ZNF609: variants seen among roughly 807,000 people sequenced by gnomAD.
ZNF609 encodes the protein zinc finger protein 609.
Under a neutral mutation model 109.5 loss-of-function variants are expected in ZNF609, and 11 were observed. That is an observed-to-expected ratio of 0.10 (90% CI 0.06 to 0.17). ZNF609 has a LOEUF of 0.17. ZNF609 is among the 10% of genes least tolerant of loss of function. The probability of loss-of-function intolerance (pLI) is 1.00; values close to 1 mark genes in which losing one functional copy is unlikely to be tolerated. For missense variants in ZNF609, 1,559 were observed against 1,772.4 expected (o/e 0.88, Z 2.16); for synonymous variants, 646 against 662.0 (o/e 0.98, Z 0.37).
At chr15:64,590,328 T>C (rs1341734160) in intron 2 of ZNF609, among the ~76,000 whole-genome samples, 1 of 152,124 alleles carries the variant, frequency 6.6e-6, no homozygotes, top group Non-Finnish European at 1.5e-5. Context: ...TCTCTTTTGC[T>C]CTTTATTTTG....
intron 2 of ZNF609, among the ~76,000 whole-genome samples, chr15:64,524,457 G>C (rs1281280454): frequency 2.0e-5 from 3 of 152,048 alleles, no homozygotes; most frequent in Admixed American, 2.0e-4. Context: ...CCAGCTACTT[G>C]GGAGGCTGAG....
At chr15:64,472,225 T>C (rs147787952) in intron 1 of ZNF609, among the ~76,000 whole-genome samples, 113 of 152,330 alleles carry the variant, frequency 7.4e-4, no homozygotes, top group Middle Eastern at 3.4e-3. Flanking sequence ...TAAGTAGTTT[T>C]TATAGATGGT....
Position 64,607,887 on chromosome 15 carries a change from T to C in ZNF609, c.748-14940T>C, listed in dbSNP as rs11632790. On this transcript the variant is annotated intron_variant, in intron 2 of 9. Transcript: ENST00000326648. ...TCTTTCTTTCTTTCTTTCTTCTTTC[T>C]TTTCTTTCTTTTTTTTTTTTTTTTT... 3.6e-3 allele frequency among the ~76,000 whole-genome samples: 69 copies of C among 19,032 alleles called. 7 individuals carry two copies. The highest frequency in any genetic ancestry group is 0.01 in the Non-Finnish European group (51 of 5,074). The allele number at this position is 19,032 out of a possible 152,430, so 12.5% of individuals were successfully genotyped here.
At chr15:64,617,478 G>C (rs1181497824) in intron 2 of ZNF609, among the ~76,000 whole-genome samples, 1 of 151,662 alleles carries the variant, frequency 6.6e-6, no homozygotes, top group Non-Finnish European at 1.5e-5. Context: ...ACGACAGAGC[G>C]AGACCCTGTC....
intron 3 of ZNF609, among the ~76,000 whole-genome samples, chr15:64,636,308 G>A (rs1896174315): frequency 2.0e-5 from 3 of 151,946 alleles, no homozygotes; most frequent in African/African-American, 4.8e-5. Context: ...CTGCCTTCAC[G>A]GCCTTCTCCA....
intron 2 of ZNF609, among the ~76,000 whole-genome samples, chr15:64,522,361 A>T (rs559370624): frequency 6.6e-6 from 1 of 152,228 alleles, no homozygotes; most frequent in Non-Finnish European, 1.5e-5. Context: ...TTATTGGTTC[A>T]GGACTGGCTT....
In ZNF609 at chr15:64,650,893, G is replaced by C. The variant is rs555895112; in HGVS notation, c.974-19453G>C. Among the ~76,000 whole-genome samples, 24 of 145,726 alleles carry C rather than the reference G, an allele frequency of 1.6e-4. No individual in the cohort carries two copies. The South Asian group carries it at 4.4e-3, about 27-fold the overall frequency. On this transcript the variant is annotated intron_variant, in intron 3 of 9. Coordinates refer to ENST00000326648, the MANE Select transcript of ZNF609 (RefSeq NM_015042.2). ...TGTGTAAGATTTGTGTTGATGGGTGGGGGGGGGATCCTTTGTCATTTATTT... is the reference window on the plus strand; with the variant it reads ...TGTGTAAGATTTGTGTTGATGGGTGCGGGGGGGATCCTTTGTCATTTATTT...
At chr15:64,645,252 G>A (rs1896319308) in intron 3 of ZNF609, among the ~76,000 whole-genome samples, 2 of 151,574 alleles carry the variant, frequency 1.3e-5, no homozygotes, top group Admixed American at 1.3e-4. Context: ...CACCATGCTC[G>A]GCTAATTTTT....
intron 2 of ZNF609, among the ~76,000 whole-genome samples, chr15:64,525,314 G>T (rs1893954342): frequency 6.6e-6 from 1 of 152,104 alleles, no homozygotes; most frequent in African/African-American, 2.4e-5. Context: ...GGTTTTCCTA[G>T]CACCAATCGT....
intron 2 of ZNF609, among the ~76,000 whole-genome samples, chr15:64,556,626 C>T (rs1393742201): frequency 6.6e-6 from 1 of 152,152 alleles, no homozygotes; most frequent in African/African-American, 2.4e-5. Flanking sequence ...TCCCTCCTAG[C>T]CACTAAATAC....
chr15:64,470,631 C>G (rs1893079571), intron 1 of ZNF609: 2 of 151,974 alleles, frequency 1.3e-5, no homozygotes, highest in South Asian at 4.2e-4. Context: ...AGGCGATTCT[C>G]CTGCCTCAGC....
chr15:64,637,624 C>T (rs1227224489), intron 3 of ZNF609, among the ~76,000 whole-genome samples: 1 of 151,970 alleles, frequency 6.6e-6, no homozygotes, highest in Non-Finnish European at 1.5e-5. Flanking sequence ...TTTGCATTTC[C>T]CTGGTGAGTA....
chr15:64,512,831 TA>T lies in ZNF609; in HGVS notation c.747+12673del, dbSNP rs554158540. On this transcript the variant is annotated intron_variant, in intron 2 of 9. Coordinates refer to ENST00000326648, the MANE Select transcript of ZNF609 (RefSeq NM_015042.2). ...ATTGTGCAGCAAACTCATACTTTTT[TA>T]AAAAAAACTTTTAGGTTTAGGGATA... Among the ~76,000 whole-genome samples, 210 of 152,002 alleles carry T rather than the reference TA, an allele frequency of 1.4e-3. 3 individuals are homozygous for T. Among genetic ancestry groups the T allele is most frequent in the Admixed American group, 0.01 (154 of 15,262 alleles).
intron 2 of ZNF609, among the ~76,000 whole-genome samples, chr15:64,511,010 C>A (rs965645332): frequency 6.3e-5 from 8 of 127,536 alleles, no homozygotes; most frequent in African/African-American, 2.4e-4. Context: ...TTTTTTGGTT[C>A]CTTCATTTTA....
intron 1 of ZNF609, among the ~76,000 whole-genome samples, chr15:64,461,425 C>T (rs1391422756): frequency 1.3e-5 from 2 of 151,914 alleles, no homozygotes; most frequent in African/African-American, 4.8e-5. Flanking sequence ...AACTGCTATC[C>T]TTGTACCCCC....
Position 64,675,897 on chromosome 15 carries a change from G to C in ZNF609, c.3043G>C (p.Glu1015Gln). The change falls in exon 5 of 10, where the codon GAG becomes CAG. Residue 1015 changes from glutamate (E) to glutamine (Q), a missense_variant. Around this residue, in one of 4 missense-constraint regions of ZNF609, gnomAD observed 1,204 missense variants for 1,314.1 expected, o/e 0.92. Coordinates refer to ENST00000326648, the MANE Select transcript of ZNF609 (RefSeq NM_015042.2). ...YEEQQKRQSL[E>Q]QQQRGVDKKA... is the part of the protein sequence containing the mutation. ...AGAACAGCAGAAACGCCAGAGCTTA[G>C]AGCAGCAGCAGCGGGGAGTGGACAA... The C allele has an allele frequency of 6.2e-7, 1 of 1,614,210 alleles. No homozygotes were observed. Among genetic ancestry groups the C allele is most frequent in the Non-Finnish European group, 8.5e-7 (1 of 1,180,046 alleles).
chr15:64,597,725 C>T (rs947983914), intron 2 of ZNF609, among the ~76,000 whole-genome samples: 1 of 152,146 alleles, frequency 6.6e-6, no homozygotes, highest in African/African-American at 2.4e-5. Context: ...CAAATGAATA[C>T]AGGCTATCTT....
rs199944787 is a variant in ZNF609, at chr15:64,651,736, G to A, written c.974-18610G>A. Among the ~76,000 whole-genome samples the A allele has an allele frequency of 2.6e-5, 4 of 152,296 alleles. No individual in the cohort carries two copies. The East Asian group carries it at 7.7e-4, about 29-fold the overall frequency. ...CATTATTGACATAGCAAAGACATGA[G>A]GTGACCTAGATGTTTGTAAGCCACT... On this transcript the variant is annotated intron_variant, in intron 3 of 9. Coordinates refer to ENST00000326648, the MANE Select transcript of ZNF609 (RefSeq NM_015042.2).
chr15:64,663,408 T>C (rs1173751946), intron 3 of ZNF609, among the ~76,000 whole-genome samples: 6 of 152,084 alleles, frequency 3.9e-5, no homozygotes, highest in Non-Finnish European at 8.8e-5. Flanking sequence ...CAAGTTGTTT[T>C]TGTTGTTCTT....
Sources: allele counts gnomAD v4.1 joint callset (sites outside exome capture counted in the v4.1 genomes callset), GRCh38; gene constraint gnomAD v4.1.1; regional missense constraint gnomAD v4.1.1; transcripts MANE v1.5; gene names NCBI Gene and HGNC (gene_info 2026-07-23, HGNC 2026-07-21).